ERBB4: variants seen among roughly 807,000 people sequenced by gnomAD.
ERBB4 encodes erb-b2 receptor tyrosine kinase 4.
In ERBB4, 42 loss-of-function variants were observed where a neutral mutation model predicts 158.0. The observed-to-expected ratio is 0.27, with a 90% CI of 0.21 to 0.34. ERBB4 has a LOEUF of 0.34. Ranked by LOEUF, ERBB4 falls within the 10% of genes least tolerant of loss-of-function variation. The pLI is 1.00. For missense variants in ERBB4, 1,333 were observed against 1,624.1 expected (o/e 0.82, Z 3.08); for synonymous variants, 583 against 558.7 (o/e 1.04, Z -0.61).
At chr2:211,499,986 C>T (rs915065442) in intron 20 of ERBB4, among the ~76,000 whole-genome samples, 2 of 152,096 alleles carry the variant, frequency 1.3e-5, no homozygotes, top group South Asian at 2.1e-4. Flanking sequence ...ATGTACCCTA[C>T]TAGTGAGTGA....
At chr2:212,153,656 C>A (rs1358602822) in intron 1 of ERBB4, among the ~76,000 whole-genome samples, 8 of 152,194 alleles carry the variant, frequency 5.3e-5, no homozygotes, top group African/African-American at 1.9e-4. Context: ...AAAGTGATGG[C>A]AAAAACTGCA....
intron 25 of ERBB4, among the ~76,000 whole-genome samples, chr2:211,392,906 C>T (rs1213997058): frequency 1.3e-5 from 2 of 152,110 alleles, no homozygotes; most frequent in East Asian, 1.9e-4. Flanking sequence ...CCACCTGCCT[C>T]GGCCTCCCAA....
chr2:211,610,037 C>A (rs569878670), intron 19 of ERBB4, among the ~76,000 whole-genome samples: 5 of 151,840 alleles, frequency 3.3e-5, no homozygotes, highest in African/African-American at 1.2e-4. Flanking sequence ...TTTGTAATAC[C>A]ATTTTTAGCA....
At chr2:212,320,918 A>G (rs1363105494) in intron 1 of ERBB4, among the ~76,000 whole-genome samples, 1 of 150,232 alleles carries the variant, frequency 6.7e-6, no homozygotes, top group Non-Finnish European at 1.5e-5. Context: ...TGGTAAGAAA[A>G]CGAAACAAAA....
intron 4 of ERBB4, among the ~76,000 whole-genome samples, chr2:211,771,305 T>C (rs1399422749): frequency 2.0e-5 from 3 of 147,230 alleles, no homozygotes; most frequent in Admixed American, 2.0e-4. Flanking sequence ...CTTCATGTAA[T>C]ATTTTTTCTT....
intron 3 of ERBB4, among the ~76,000 whole-genome samples, chr2:211,880,272 G>T (rs1370320395): frequency 3.3e-5 from 5 of 152,020 alleles, no homozygotes; most frequent in Non-Finnish European, 7.4e-5. Context: ...TCTTACGCTA[G>T]ATCTTCTGTT....
At chr2:211,700,662 C>T (rs1575009822) in intron 12 of ERBB4, among the ~76,000 whole-genome samples, 1 of 152,042 alleles carries the variant, frequency 6.6e-6, no homozygotes, top group African/African-American at 2.4e-5. Flanking sequence ...ATTATGTTGG[C>T]CTCTTAAGAG....
At chr2:212,019,260 T>C (rs149526817) in intron 2 of ERBB4, among the ~76,000 whole-genome samples, 23 of 152,326 alleles carry the variant, frequency 1.5e-4, no homozygotes, top group Non-Finnish European at 2.8e-4. Flanking sequence ...TGCGCCCTTA[T>C]TATATAGCCA....
intron 1 of ERBB4, among the ~76,000 whole-genome samples, chr2:212,430,194 A>G (rs2091996431): frequency 6.6e-6 from 1 of 152,198 alleles, no homozygotes; most frequent in South Asian, 2.1e-4. Flanking sequence ...TGTTTTATAT[A>G]CATACATACG....
intron 2 of ERBB4, among the ~76,000 whole-genome samples, chr2:212,002,715 A>G (rs756839147): frequency 1.3e-5 from 2 of 152,154 alleles, no homozygotes; most frequent in African/African-American, 4.8e-5. Context: ...GCATTTCCAT[A>G]AAGCAATATG....
At chr2:212,045,886 G>A (rs1221372666) in intron 2 of ERBB4, among the ~76,000 whole-genome samples, 2 of 152,180 alleles carry the variant, frequency 1.3e-5, no homozygotes, top group Admixed American at 1.3e-4. Flanking sequence ...ATCCTTGGCA[G>A]AGATGAACAT....
chr2:212,309,596 G>C (rs901913654), intron 1 of ERBB4, among the ~76,000 whole-genome samples: 1 of 150,624 alleles, frequency 6.6e-6, no homozygotes, highest in Non-Finnish European at 1.5e-5. Context: ...AGCATAGAAA[G>C]CAAATAAGTA....
intron 1 of ERBB4, among the ~76,000 whole-genome samples, chr2:212,463,895 A>G (rs756276081): frequency 2.0e-5 from 3 of 152,138 alleles, no homozygotes; most frequent in Non-Finnish European, 4.4e-5. Flanking sequence ...TATTAAAGAG[A>G]AATAAAAGGA....
chr2:212,504,485 G>C (rs1691073106), intron 1 of ERBB4, among the ~76,000 whole-genome samples: 1 of 151,260 alleles, frequency 6.6e-6, no homozygotes, highest in African/African-American at 2.4e-5. Flanking sequence ...TCCTGAAAAA[G>C]CCTATAGAGA....
chr2:212,054,190 C>G (rs1037317040), intron 2 of ERBB4, among the ~76,000 whole-genome samples: 5 of 151,972 alleles, frequency 3.3e-5, no homozygotes, highest in African/African-American at 1.2e-4. Flanking sequence ...ATTATATGAC[C>G]TATGTAATAG....
intron 14 of ERBB4, 60 bp downstream of exon 14, chr2:211,673,104 A>G: frequency 8.1e-7 from 1 of 1,228,962 alleles, no homozygotes; most frequent in Non-Finnish European, 1.2e-6. Context: ...ATAAAATAAT[A>G]ACAAACATTC....
At chr2:212,347,870 GA>G (rs1196353621) in intron 1 of ERBB4, among the ~76,000 whole-genome samples, 1 of 151,956 alleles carries the variant, frequency 6.6e-6, no homozygotes, top group Non-Finnish European at 1.5e-5. Context: ...TTTAAGGGGG[GA>G]AAGTTCAAGA....
At chr2:212,004,160 A>G (rs555072352) in intron 2 of ERBB4, among the ~76,000 whole-genome samples, 2 of 152,328 alleles carry the variant, frequency 1.3e-5, no homozygotes, top group Non-Finnish European at 2.9e-5. Context: ...GCAAAGAGAT[A>G]TTTGTAGAGC....
chr2:211,445,164 C>G (rs2064080091), intron 20 of ERBB4, among the ~76,000 whole-genome samples: 1 of 152,026 alleles, frequency 6.6e-6, no homozygotes, highest in South Asian at 2.1e-4. Flanking sequence ...ACAGCAGTTA[C>G]TAAAAGCCTT....
Sources: gnomAD v4.1 joint callset for allele counts (sites outside exome capture counted in the v4.1 genomes callset) on GRCh38, gnomAD v4.1.1 for gene constraint, MANE v1.5 for transcripts, NCBI Gene and HGNC (gene_info 2026-07-23, HGNC 2026-07-21) for gene names.